Variants in CUL2 observed in about 807,000 individuals in gnomAD.
CUL2 encodes the protein cullin 2, also known as cullin-2.
A neutral mutation model predicts 110.2 loss-of-function variants in CUL2; 22 were observed. The ratio of observed to expected loss-of-function variants is 0.20; its 90% CI spans 0.14 to 0.28. The LOEUF is 0.28. Among genes scored for constraint, CUL2 ranks in the 10% least tolerant of loss-of-function variants. The probability of loss-of-function intolerance (pLI) is 1.00; values close to 1 mark genes in which losing one functional copy is unlikely to be tolerated. For synonymous variants in CUL2, 279 were observed against 293.2 expected (o/e 0.95, Z 0.49); for missense variants, 631 against 905.5 (o/e 0.70, Z 3.89).
Position 35,048,735 on chromosome 10 carries a change from G to A in CUL2, c.506+948C>T, listed in dbSNP as rs537013703. Among the ~76,000 whole-genome samples, 5 of 152,278 alleles carry A rather than the reference G, an allele frequency of 3.3e-5. No homozygotes were observed. The South Asian group carries it at 8.3e-4, about 25-fold the overall frequency. On this transcript the variant is annotated intron_variant, in intron 6 of 20. Transcript: ENST00000374749. The stretch of plus-strand genomic sequence containing the variant: ...CAATGGAATCACTCAAACGGTCAGT[G>A]ACAATTTTTAAAAATCAAGTTACTA...
In CUL2 at chr10:35,010,567, T is replaced by C. The variant is rs551932655; in HGVS notation, c.2107-125A>G. 1.4e-5 allele frequency: 11 copies of C among 797,762 alleles called. No individual in the cohort carries two copies. In the East Asian group the frequency reaches 2.0e-4, roughly 15 times the overall value. The allele number at this position is 797,762 out of a possible 1,614,324, so 49.4% of individuals were successfully genotyped here. On this transcript the variant is annotated intron_variant, in intron 20 of 20. Coordinates refer to ENST00000374749, the MANE Select transcript of CUL2 (RefSeq NM_003591.4). ...TTCAACAAATGGGCCAAATTAAGTATGAAAATAGGAACTACAATGTGGAAA... is the reference window on the plus strand; with the variant it reads ...TTCAACAAATGGGCCAAATTAAGTACGAAAATAGGAACTACAATGTGGAAA...
At chr10:35,053,678 A>T (rs1309084071) in intron 5 of CUL2, among the ~76,000 whole-genome samples, 3 of 152,232 alleles carry the variant, frequency 2.0e-5, no homozygotes, top group Non-Finnish European at 4.4e-5. Context: ...TTTAAACTGT[A>T]CTGAAAGAAA....
At chr10:35,038,394 T>C (rs956801696) in intron 9 of CUL2, among the ~76,000 whole-genome samples, 17 of 150,342 alleles carry the variant, frequency 1.1e-4, no homozygotes, top group African/African-American at 4.1e-4. Context: ...GGTGTGGTGA[T>C]GAGCGCCTGT....
At chr10:35,060,127 G>A (rs1395887675) in intron 4 of CUL2, among the ~76,000 whole-genome samples, 6 of 152,112 alleles carry the variant, frequency 3.9e-5, no homozygotes, top group East Asian at 3.9e-4. Context: ...CAGGCATGGC[G>A]GTGCACACCT....
At chr10:35,068,247 C>A (rs2086586793) in intron 2 of CUL2, among the ~76,000 whole-genome samples, 1 of 151,580 alleles carries the variant, frequency 6.6e-6, no homozygotes, top group Non-Finnish European at 1.5e-5. Context: ...CATGGCAAAA[C>A]CCCATTTCTA....
chr10:35,016,499 A>G, intron 17 of CUL2, 105 bp from the exon 18 acceptor site: 1 of 910,890 alleles, frequency 1.1e-6, no homozygotes, highest in Non-Finnish European at 1.6e-6. Flanking sequence ...CAATAATTTT[A>G]TTAAATTGTT....
At chr10:35,120,448 A>AT (rs2087664778) in intron 1 of CUL2, 1 of 152,216 alleles carries the variant, frequency 6.6e-6, no homozygotes. Context: ...AGTCTCTGTT[A>AT]TAAAAAGGTT....
chr10:35,011,702 T>A, intron 20 of CUL2, 146 bp downstream of exon 20: 1 of 565,822 alleles, frequency 1.8e-6, no homozygotes, highest in South Asian at 2.7e-5. Flanking sequence ...TGTGAGTGAG[T>A]ACGATTCTGA....
intron 17 of CUL2, among the ~76,000 whole-genome samples, chr10:35,018,141 G>T (rs1172568437): frequency 7.0e-6 from 1 of 143,730 alleles, no homozygotes; most frequent in Non-Finnish European, 1.5e-5. Flanking sequence ...AAAAAAACTA[G>T]CAGGGCGCAG....
intron 1 of CUL2, among the ~76,000 whole-genome samples, chr10:35,125,728 GTAAGT>G (rs1478044530): frequency 6.6e-6 from 1 of 152,226 alleles, no homozygotes; most frequent in African/African-American, 2.4e-5. Context: ...TGGACCTGCT[GTAAGT>G]TGTTTGGCTT....
rs565403252 is a variant in CUL2, at chr10:35,023,233, T to C, written c.1684+1899A>G. On this transcript the variant is annotated intron_variant, in intron 17 of 20. Transcript: ENST00000374749. ...AACAGATACAATTTTTATGTGTCAA[T>C]TGTATCTTATCAAAGTTGGGAAGAA... is the stretch of plus-strand genomic sequence containing the variant. Among the ~76,000 whole-genome samples the C allele has an allele frequency of 7.2e-5, 11 of 152,284 alleles. No individual in the cohort carries two copies. In the East Asian group the frequency reaches 9.6e-4, roughly 13 times the overall value.
intron 1 of CUL2, among the ~76,000 whole-genome samples, chr10:35,116,512 A>G (rs779471842): frequency 2.0e-5 from 3 of 152,238 alleles, no homozygotes; most frequent in Non-Finnish European, 2.9e-5. Flanking sequence ...TTAATTTCAC[A>G]GTAATGTACC....
intron 1 of CUL2, among the ~76,000 whole-genome samples, chr10:35,103,042 T>C (rs1308528899): frequency 1.3e-5 from 2 of 152,216 alleles, no homozygotes; most frequent in Non-Finnish European, 2.9e-5. Context: ...TCTAATTTAA[T>C]GTTTTCATTG....
chr10:35,098,321 AT>A (rs1434429343), intron 2 of CUL2, among the ~76,000 whole-genome samples: 1 of 152,196 alleles, frequency 6.6e-6, no homozygotes, highest in African/African-American at 2.4e-5. Flanking sequence ...TGCATTTATG[AT>A]TTCTCAAAAT....
rs2085518753 is a variant in CUL2 at position 35,033,089 on chromosome 10, GA to G, written c.1110+76del. On this transcript the variant is annotated intron_variant, in intron 11 of 20. Transcript: ENST00000374749. ...TGTCTACATCAGAAACCTCATACTA[GA>G]ATTCTGATCTTGAAACTGCCTAAAG... 3.1e-5 allele frequency: 23 copies of G among 753,702 alleles called. No individual in the cohort carries two copies. The South Asian group carries it at 6.2e-4, about 20-fold the overall frequency. The allele number at this position is 753,702 out of a possible 1,614,324, so 46.7% of individuals were successfully genotyped here.
chr10:35,053,839 G>A (rs1301397056), intron 5 of CUL2, among the ~76,000 whole-genome samples: 1 of 152,086 alleles, frequency 6.6e-6, no homozygotes, highest in East Asian at 1.9e-4. Flanking sequence ...GAACTTACAA[G>A]CTTTTGTGTG....
intron 1 of CUL2, among the ~76,000 whole-genome samples, chr10:35,126,397 T>C (rs1333050391): frequency 6.6e-6 from 1 of 152,188 alleles, no homozygotes; most frequent in African/African-American, 2.4e-5. Flanking sequence ...AAAGGGCCAC[T>C]AGTCAAGGTA....
At chr10:35,057,831 C>T (rs905509953) in intron 4 of CUL2, among the ~76,000 whole-genome samples, 12 of 150,848 alleles carry the variant, frequency 8.0e-5, no homozygotes, top group Admixed American at 3.3e-4. Flanking sequence ...CAGTGGCTCA[C>T]GCCTGTAATC....
intron 1 of CUL2, chr10:35,074,025 T>C: frequency 1.4e-6 from 1 of 727,888 alleles, no homozygotes; most frequent in East Asian, 2.7e-5. Context: ...GCCGGTGCTC[T>C]AGGCTGCTGT....
Sources: gnomAD v4.1 joint callset for allele counts (sites outside exome capture counted in the v4.1 genomes callset) on GRCh38, gnomAD v4.1.1 for gene constraint, MANE v1.5 for transcripts, NCBI Gene and HGNC (gene_info 2026-07-23, HGNC 2026-07-21) for gene names.